CEP164: variants seen among roughly 807,000 people sequenced by gnomAD.
The protein encoded by CEP164 is centrosomal protein of 164 kDa.
CEP164 carries 162 observed loss-of-function variants against 182.7 expected under a neutral mutation model. That is an observed-to-expected ratio of 0.89 (90% CI 0.78 to 1.01). The LOEUF (loss-of-function observed/expected upper bound fraction) is 1.01, where lower values mean the gene tolerates loss of function less well. Among genes scored for constraint, CEP164 ranks in the 50% least tolerant of loss-of-function variants. The pLI, the probability that CEP164 is intolerant of heterozygous loss-of-function variation, is 0.00. For synonymous variants in CEP164, 661 were observed against 690.0 expected, an observed-to-expected ratio of 0.96 and a Z score of 0.66; for missense variants, 1,735 against 1,790.4, an observed-to-expected ratio of 0.97 and a Z score of 0.56.
In CEP164 at chr11:117,371,147, C is replaced by A; in HGVS notation, c.833C>A (p.Pro278His). Residue 278 changes from proline to histidine, a missense_variant, in exon 9 of 33, where the codon CCC (proline) becomes CAC (histidine). Transcript: ENST00000278935. ...DVSLDSDAAGPPTPCKPSSPG... is the reference protein window; with the variant it reads ...DVSLDSDAAGHPTPCKPSSPG... Reference sequence around the variant, plus strand: ...TCTCTGGATTCAGATGCTGCCGGTCCCCCTACTCCCTGCAAGCCCTCCAGC... The same window carrying A: ...TCTCTGGATTCAGATGCTGCCGGTCACCCTACTCCCTGCAAGCCCTCCAGC... The A allele has an allele frequency of 6.2e-7, 1 of 1,613,610 alleles. No individual in the cohort carries two copies. The highest frequency in any genetic ancestry group is 8.5e-7 in the Non-Finnish European group (1 of 1,179,654).
At chr11:117,348,353 A>T (rs944007648) in intron 4 of CEP164, among the ~76,000 whole-genome samples, 1 of 152,184 alleles carries the variant, frequency 6.6e-6, no homozygotes, top group African/African-American at 2.4e-5. Context: ...ATCATTTTAA[A>T]TTGCATTTCC....
chr11:117,332,057 T>G (rs1282908682), intron 1 of CEP164, among the ~76,000 whole-genome samples: 1 of 151,500 alleles, frequency 6.6e-6, no homozygotes, highest in Non-Finnish European at 1.5e-5. Context: ...GCTTCTAGGC[T>G]CAAGTGATCC....
chr11:117,344,344 A>G (rs2135253319), intron 4 of CEP164, 67 bp downstream of exon 4: 1 of 1,109,634 alleles, frequency 9.0e-7, no homozygotes, highest in Non-Finnish European at 1.3e-6. Context: ...AATACTGGAG[A>G]TCGGTTTGAA....
In CEP164 at chr11:117,363,357, C is replaced by T; in HGVS notation, c.688-72C>T. On this transcript the variant is annotated intron_variant, in intron 7 of 32. Transcript: ENST00000278935. ...TCAGCTCAGCAGTGCCCCACTTTTCCCTCTGCACACCCCTCACCCTGGGTT... is the reference window on the plus strand; with the variant it reads ...TCAGCTCAGCAGTGCCCCACTTTTCTCTCTGCACACCCCTCACCCTGGGTT... 3.5e-6 allele frequency: 4 copies of T among 1,135,340 alleles called. No homozygotes were observed. In the South Asian group the frequency reaches 5.2e-5, roughly 15 times the overall value. The allele number at this position is 1,135,340 out of a possible 1,614,324, so 70.3% of individuals were successfully genotyped here. A position where few individuals can be genotyped will look rare whatever the true frequency, so the allele number is the denominator to read the frequency against.
chr11:117,324,525 A>G (rs193111608), upstream of CEP164, among the ~76,000 whole-genome samples: 253 of 151,828 alleles, frequency 1.7e-3, 8 homozygotes, highest in South Asian at 0.038. Flanking sequence ...CCTTGGGGGC[A>G]TTTTATAAAT....
chr11:117,409,597 C>T lies in CEP164; in HGVS notation c.3749-21C>T. 6.3e-7 allele frequency: 1 copy of T among 1,587,374 alleles called. No homozygotes were observed. Among genetic ancestry groups the T allele is most frequent in the South Asian group, 1.1e-5 (1 of 87,472 alleles). ...GTCCTGAGCTTGAGTCCCTTCCCAC[C>T]ATCCACCTCTTTTCTTTCAGTCGAC... On this transcript the variant is annotated intron_variant, in intron 29 of 32. Coordinates refer to ENST00000278935, the MANE Select transcript of CEP164 (RefSeq NM_014956.5). This position sits in a 1 kb window ranked among gnomAD's most constrained non-coding sequence, Gnocchi z 4.4.
chr11:117,362,315 A>G, intron 6 of CEP164, 89 bp from the exon 7 acceptor site: 5 of 1,399,010 alleles, frequency 3.6e-6, no homozygotes, highest in African/African-American at 1.4e-5. Flanking sequence ...TCTGGGAGAC[A>G]TTGACATAGA....
chr11:117,400,410 C>CA (rs1390371009), intron 27 of CEP164, among the ~76,000 whole-genome samples: 1 of 152,082 alleles, frequency 6.6e-6, no homozygotes, highest in African/African-American at 2.4e-5. Context: ...CATTTGAAGT[C>CA]AGGTAGTATG....
At chr11:117,358,342 G>T (rs2040541010) in intron 5 of CEP164, among the ~76,000 whole-genome samples, 1 of 152,102 alleles carries the variant, frequency 6.6e-6, no homozygotes, top group African/African-American at 2.4e-5. Context: ...CAGCATGCTT[G>T]TCTCCCTCCC....
chr11:117,368,831 C>T (rs1297382149), intron 8 of CEP164, among the ~76,000 whole-genome samples: 1 of 152,244 alleles, frequency 6.6e-6, no homozygotes, highest in African/African-American at 2.4e-5. Context: ...CCCAGTGGTC[C>T]TGGCAGATTT....
chr11:117,373,745 C>G lies in CEP164; in HGVS notation c.1153-6C>G. On this transcript the variant is annotated splice_polypyrimidine_tract_variant and splice_region_variant and intron_variant, in intron 9 of 32. Transcript: ENST00000278935. ...GAGGGATTTCTCTGTGGGTCTGTCT[C>G]TCCAGGAACTGGAAATTAGTGAACA... 6.2e-7 allele frequency: 1 copy of G among 1,613,400 alleles called. No individual in the cohort carries two copies. Among genetic ancestry groups the G allele is most frequent in the Non-Finnish European group, 8.5e-7 (1 of 1,179,352 alleles).
At chr11:117,382,505 G>A (rs1292805840) in intron 13 of CEP164, among the ~76,000 whole-genome samples, 2 of 152,212 alleles carry the variant, frequency 1.3e-5, no homozygotes, top group African/African-American at 4.8e-5. Flanking sequence ...TAGGGAACCT[G>A]AGCAGCATCG....
chr11:117,410,425 G>A (rs2047219818), intron 30 of CEP164: 1 of 284,808 alleles, frequency 3.5e-6, no homozygotes, highest in Non-Finnish European at 6.7e-6. Context: ...GAGAGTTTAA[G>A]TAGTATGCTC....
At chr11:117,380,951 A>G (rs1424634267) in intron 12 of CEP164, among the ~76,000 whole-genome samples, 1 of 152,212 alleles carries the variant, frequency 6.6e-6, no homozygotes, top group Non-Finnish European at 1.5e-5. Flanking sequence ...TTCTTCACCA[A>G]GATGGGAATG....
upstream of CEP164, among the ~76,000 whole-genome samples, chr11:117,325,766 T>C (rs767011454): frequency 1.2e-4 from 18 of 152,154 alleles, no homozygotes; most frequent in Non-Finnish European, 2.1e-4. Flanking sequence ...TAGGCATAAC[T>C]GCTGCAGAAG....
rs545119833 is a variant in CEP164 at position 117,350,412 on chromosome 11, C to T, written c.195-1378C>T. Among the ~76,000 whole-genome samples the T allele has an allele frequency of 9.9e-5, 15 of 152,044 alleles. No individual in the cohort carries two copies. In the South Asian group the frequency reaches 3.1e-3, roughly 32 times the overall value. On this transcript the variant is annotated intron_variant, in intron 4 of 32. Coordinates refer to ENST00000278935, the MANE Select transcript of CEP164 (RefSeq NM_014956.5). The stretch of plus-strand genomic sequence containing the variant: ...TAGAAACAGAGTCTCACTGTGTTGC[C>T]CAGGCTTATTTTTTGGATTTTTGAT...
At chr11:117,350,526 T>G (rs574655126) in intron 4 of CEP164, among the ~76,000 whole-genome samples, 1 of 152,228 alleles carries the variant, frequency 6.6e-6, no homozygotes, top group Non-Finnish European at 1.5e-5. Flanking sequence ...CATCTTTTCA[T>G]GTGCTTATGG....
intron 2 of CEP164, chr11:117,336,108 C>T (rs2037068512): frequency 4.0e-6 from 6 of 1,505,028 alleles, no homozygotes; most frequent in Non-Finnish European, 4.5e-6. Flanking sequence ...GGGGGGAGCA[C>T]AAGGGCTACT....
intron 4 of CEP164, among the ~76,000 whole-genome samples, chr11:117,348,708 A>G (rs578260406): frequency 3.3e-5 from 5 of 152,316 alleles, no homozygotes; most frequent in South Asian, 2.1e-4. Context: ...TACATTCACA[A>G]TGTTGCATGG....
Sources: allele counts gnomAD v4.1 joint callset (sites outside exome capture counted in the v4.1 genomes callset), GRCh38; gene constraint gnomAD v4.1.1; non-coding constraint Gnocchi (gnomAD v3.1); transcripts MANE v1.5; gene names NCBI Gene and HGNC (gene_info 2026-07-23, HGNC 2026-07-21).